MROH1: variants seen among roughly 807,000 people sequenced by gnomAD.
MROH1 encodes the protein maestro heat-like repeat-containing protein family member 1.
MROH1 carries 117 observed loss-of-function variants against 116.5 expected under a neutral mutation model. The observed-to-expected ratio is 1.00, with a 90% CI of 0.86 to 1.17. The LOEUF (loss-of-function observed/expected upper bound fraction) is 1.17. Among genes scored for constraint, MROH1 ranks in the 50% most tolerant of loss-of-function variants. The probability of loss-of-function intolerance (pLI) is 0.00; values close to 1 mark genes in which losing one functional copy is unlikely to be tolerated. For missense variants in MROH1, 1,873 were observed against 1,338.5 expected (o/e 1.40, Z -6.23); for synonymous variants, 921 against 583.9 (o/e 1.58, Z -8.32).
rs1844931684 is a variant in MROH1, at chr8:144,260,990, G to A, written c.4620G>A (p.Glu1540=). Reference sequence around the variant, plus strand: ...CTGCTTTCCAGAAACACCTGCAGGAGGGCCGAGCCCTGCACTTCGGGGAGT... The same window carrying A: ...CTGCTTTCCAGAAACACCTGCAGGAAGGCCGAGCCCTGCACTTCGGGGAGT... ...LSAAFQKHLQ[E]GRALHFGEFL... The change falls in exon 41 of 44, where the codon GAG becomes GAA. Residue 1540 remains glutamate, a synonymous_variant. Transcript: ENST00000326134. 3 of 777,442 alleles carry A rather than the reference G, an allele frequency of 3.9e-6. No individual in the cohort carries two copies. Among genetic ancestry groups the A allele is most frequent in the South Asian group, 2.7e-5 (2 of 74,534 alleles). The allele number at this position is 777,442 out of a possible 1,614,324, so 48.2% of individuals were successfully genotyped here. A position where few individuals can be genotyped will look rare whatever the true frequency, so the allele number is the denominator to read the frequency against.
At chr8:144,158,466 C>T (rs1315966630) in intron 1 of MROH1, among the ~76,000 whole-genome samples, 2 of 152,116 alleles carry the variant, frequency 1.3e-5, no homozygotes, top group Non-Finnish European at 2.9e-5. Context: ...TATTTTTTTC[C>T]TGCACATTCT....
Position 144,163,426 on chromosome 8 carries a change from G to T in MROH1, c.-56-345G>T, listed in dbSNP as rs968103380. On this transcript the variant is annotated intron_variant, in intron 2 of 43. Coordinates refer to ENST00000326134, the MANE Select transcript of MROH1 (RefSeq NM_032450.3). The surrounding 1 kb of genome is among the most constrained non-coding windows in gnomAD (Gnocchi z 4.4). ...GTGAAAGCTGTGGTGCCCGTGCTCA[G>T]TTCCTCACAGTGTGGAGGAGGATGC... 1.3e-5 allele frequency among the ~76,000 whole-genome samples: 2 copies of T among 152,188 alleles called. No homozygotes were observed. Among genetic ancestry groups the T allele is most frequent in the Non-Finnish European group, 2.9e-5 (2 of 68,040 alleles).
In MROH1 at chr8:144,220,688, C is replaced by G. The variant is rs374753520; in HGVS notation, c.1215+15C>G. 7.1e-5 allele frequency: 111 copies of G among 1,561,440 alleles called. No homozygotes were observed. Among genetic ancestry groups the G allele is most frequent in the Non-Finnish European group, 8.7e-5 (100 of 1,152,892 alleles). On this transcript the variant is annotated intron_variant, in intron 13 of 43. Transcript: ENST00000326134. The stretch of plus-strand genomic sequence containing the variant: ...CCAACAGCAAGGTAAACCACATGGG[C>G]CAGCCCAGGCTGCACCACCACACCA...
chr8:144,153,010 C>T (rs1352001726), intron 1 of MROH1, among the ~76,000 whole-genome samples: 1 of 152,190 alleles, frequency 6.6e-6, no homozygotes, highest in Non-Finnish European at 1.5e-5. Flanking sequence ...CTGTGACCAA[C>T]ATCTCCCTAG....
chr8:144,171,837 G>C (rs1822522120), intron 4 of MROH1, among the ~76,000 whole-genome samples: 1 of 152,184 alleles, frequency 6.6e-6, no homozygotes, highest in African/African-American at 2.4e-5. Context: ...GTTCATGTCT[G>C]CCTAGTGGCC....
chr8:144,229,077 C>T (rs1363544395), intron 14 of MROH1, among the ~76,000 whole-genome samples: 10 of 152,178 alleles, frequency 6.6e-5, no homozygotes, highest in East Asian at 1.9e-4. Flanking sequence ...ATCATGAGAT[C>T]GCAGCAATTC....
At chr8:144,246,022 C>T (rs1841831373) in intron 29 of MROH1, among the ~76,000 whole-genome samples, 1 of 125,022 alleles carries the variant, frequency 8.0e-6, no homozygotes, top group Non-Finnish European at 1.6e-5. Flanking sequence ...TCTTTCCCTC[C>T]CTCCCTCACC....
At chr8:144,192,550 ACTT>A (rs1828902999) in intron 10 of MROH1, 149 bp downstream of exon 10, 1 of 732,808 alleles carries the variant, frequency 1.4e-6, no homozygotes, top group Admixed American at 2.0e-5. Flanking sequence ...CACTCGGGTG[ACTT>A]CTTAGCGATG....
rs1825905638 is a variant in MROH1 at position 144,182,283 on chromosome 8, G to A, written c.562+1760G>A. ...TGCAGCCAGGAGGCGAGGAGCCTCA[G>A]GGAAGACTCCCAGTGGTGGAGGCAC... On this transcript the variant is annotated intron_variant, in intron 7 of 43. Coordinates refer to ENST00000326134, the MANE Select transcript of MROH1 (RefSeq NM_032450.3). The surrounding 1 kb of genome is among the most constrained non-coding windows in gnomAD (Gnocchi z 4.1). Among the ~76,000 whole-genome samples the A allele has an allele frequency of 1.3e-5, 2 of 152,236 alleles. No homozygotes were observed. The highest frequency in any genetic ancestry group is 2.9e-5 in the Non-Finnish European group (2 of 68,032).
chr8:144,258,558 T>C (rs1220480338), intron 35 of MROH1, among the ~76,000 whole-genome samples: 2 of 152,150 alleles, frequency 1.3e-5, no homozygotes, highest in African/African-American at 4.8e-5. Context: ...ACCTTGCTAC[T>C]AGCTCACCTC....
intron 14 of MROH1, among the ~76,000 whole-genome samples, chr8:144,238,181 T>C (rs1840367616): frequency 6.6e-6 from 1 of 151,926 alleles, no homozygotes; most frequent in Admixed American, 6.5e-5. Context: ...TTTTTTTTTT[T>C]CTGTGTGACT....
At chr8:144,253,398 A>G (rs1439469640) in intron 33 of MROH1, among the ~76,000 whole-genome samples, 4 of 152,226 alleles carry the variant, frequency 2.6e-5, no homozygotes, top group Non-Finnish European at 5.9e-5. Context: ...GAGCTGCCAG[A>G]GGCCACCCGG....
intron 9 of MROH1, 42 bp from the exon 10 acceptor site, chr8:144,192,267 C>T (rs768325226): frequency 1.3e-6 from 2 of 1,520,772 alleles, no homozygotes; most frequent in East Asian, 2.4e-5. Flanking sequence ...GTTCGGGCGG[C>T]TGGAGGTAGG....
chr8:144,245,320 T>A, intron 29 of MROH1, 60 bp downstream of exon 29: 1 of 765,258 alleles, frequency 1.3e-6, no homozygotes. Flanking sequence ...ACCCAGAGTG[T>A]GAGCTGCCTT....
chr8:144,169,317 C>G (rs1358954739), intron 4 of MROH1, among the ~76,000 whole-genome samples: 1 of 152,182 alleles, frequency 6.6e-6, no homozygotes, highest in African/African-American at 2.4e-5. Flanking sequence ...GGAAGATGAC[C>G]CAGTTCCATG....
chr8:144,184,330 G>A (rs560596266), intron 7 of MROH1, among the ~76,000 whole-genome samples: 127 of 152,300 alleles, frequency 8.3e-4, no homozygotes, highest in African/African-American at 2.7e-3. Flanking sequence ...TCCCTGGAGC[G>A]CAGGGTCTCG....
intron 14 of MROH1, among the ~76,000 whole-genome samples, chr8:144,226,528 C>G (rs1277631396): frequency 6.6e-6 from 1 of 152,140 alleles, no homozygotes; most frequent in Non-Finnish European, 1.5e-5. Flanking sequence ...TGCTGGCTCA[C>G]TGCAGCCTCC....
intron 1 of MROH1, among the ~76,000 whole-genome samples, chr8:144,151,268 A>C (rs1389707727): frequency 1.3e-5 from 2 of 151,216 alleles, no homozygotes; most frequent in African/African-American, 2.4e-5. Context: ...AAAAAAAAAA[A>C]AAAAAACCTC....
Position 144,179,584 on chromosome 8 carries a change from A to C in MROH1, c.298A>C (p.Lys100Gln). 1 of 1,607,888 alleles carries C rather than the reference A, an allele frequency of 6.2e-7. No homozygotes were observed. The highest frequency in any genetic ancestry group is 8.5e-7 in the Non-Finnish European group (1 of 1,177,568). ...GGCCTCCAGCGAGATGACCAAGACGAAGGTATTCAGCAGGCCCTCTGGCCT... is the reference window on the plus strand; with the variant it reads ...GGCCTCCAGCGAGATGACCAAGACGCAGGTATTCAGCAGGCCCTCTGGCCT... Reference protein sequence around the residue: ...LLASSEMTKTKDLVWDWQQAA... With the variant: ...LLASSEMTKTQDLVWDWQQAA... The change falls in exon 5 of 44, where the codon AAG becomes CAG. Residue 100 changes from lysine to glutamine, a missense_variant and splice_region_variant. Coordinates refer to ENST00000326134, the MANE Select transcript of MROH1 (RefSeq NM_032450.3).
Sources: gnomAD v4.1 joint callset for allele counts (sites outside exome capture counted in the v4.1 genomes callset) on GRCh38, gnomAD v4.1.1 for gene constraint, Gnocchi (gnomAD v3.1) non-coding constraint, MANE v1.5 for transcripts, NCBI Gene and HGNC (gene_info 2026-07-23, HGNC 2026-07-21) for gene names.